The following DCDC1 variants were observed in gnomAD, a reference collection of about 807,000 sequenced individuals.
DCDC1 encodes doublecortin domain-containing protein 1.
Under a neutral mutation model 178.3 loss-of-function variants are expected in DCDC1, and 200 were observed. That is an observed-to-expected ratio of 1.12 (90% CI 1.00 to 1.26). The LOEUF (loss-of-function observed/expected upper bound fraction) is 1.26, where lower values mean the gene tolerates loss of function less well. Ranked by LOEUF, DCDC1 falls within the 50% of genes most tolerant of loss-of-function variation. The pLI, the probability that DCDC1 is intolerant of heterozygous loss-of-function variation, is 0.00. For missense variants in DCDC1, 1,983 were observed against 1,749.2 expected, an observed-to-expected ratio of 1.13 and a Z score of -2.38; for synonymous variants, 690 against 604.8, an observed-to-expected ratio of 1.14 and a Z score of -2.07.
chr11:31,040,913 A>C (rs1175931786), intron 20 of DCDC1, among the ~76,000 whole-genome samples: 5 of 152,232 alleles, frequency 3.3e-5, no homozygotes, highest in Non-Finnish European at 1.5e-5. Context: ...TGAAGCACCA[A>C]GGCATCATAT....
At chr11:30,948,205 C>A (rs1948176438) in intron 21 of DCDC1, among the ~76,000 whole-genome samples, 1 of 151,926 alleles carries the variant, frequency 6.6e-6, no homozygotes, top group Non-Finnish European at 1.5e-5. Context: ...TCCTATACAC[C>A]AATAATAGAC....
chr11:31,290,155 C>A (rs891769997), intron 7 of DCDC1, among the ~76,000 whole-genome samples: 24 of 151,620 alleles, frequency 1.6e-4, no homozygotes, highest in African/African-American at 5.3e-4. Context: ...TTTCTTAGGC[C>A]CCTTAGATAT....
Position 31,284,030 on chromosome 11 carries a change from T to C in DCDC1, c.960+6617A>G, listed in dbSNP as rs147245057. Among the ~76,000 whole-genome samples the C allele has an allele frequency of 2.9e-4, 44 of 151,680 alleles. 1 individual carries two copies. Among genetic ancestry groups the C allele is most frequent in the African/African-American group, 9.4e-4 (39 of 41,426 alleles). On this transcript the variant is annotated intron_variant, in intron 7 of 38. Coordinates refer to ENST00000684477, the MANE Select transcript of DCDC1 (RefSeq NM_001387274.1). The stretch of plus-strand genomic sequence containing the variant: ...TAAATTGCCTCCAGGTACAAAGACA[T>C]AGTGAACTTTAGGACTCACTTCAAC...
At chr11:31,292,929 G>A (rs1244014222) in intron 6 of DCDC1, among the ~76,000 whole-genome samples, 3 of 152,068 alleles carry the variant, frequency 2.0e-5, no homozygotes, top group African/African-American at 7.2e-5. Context: ...CAATCTGGAT[G>A]CCCCTAGATG....
intron 21 of DCDC1, among the ~76,000 whole-genome samples, chr11:30,948,678 C>T (rs1187370278): frequency 3.3e-5 from 5 of 152,024 alleles, no homozygotes; most frequent in Admixed American, 6.6e-5. Context: ...TGGAACAGAA[C>T]GGAGGCCTCA....
chr11:31,221,875 C>A (rs913747576), intron 9 of DCDC1, among the ~76,000 whole-genome samples: 5 of 152,126 alleles, frequency 3.3e-5, no homozygotes, highest in African/African-American at 1.2e-4. Flanking sequence ...TCTCCTTTCA[C>A]ATTTTATTAT....
At chr11:31,351,309 A>G (rs1055962313) in intron 1 of DCDC1, among the ~76,000 whole-genome samples, 1 of 152,122 alleles carries the variant, frequency 6.6e-6, no homozygotes, top group African/African-American at 2.4e-5. Flanking sequence ...TATTTCTTTG[A>G]AAAGGTGTTC....
Position 31,306,361 on chromosome 11 carries a change from A to C in DCDC1, c.462T>G (p.Phe154Leu). 1 of 1,609,390 alleles carries C rather than the reference A, an allele frequency of 6.2e-7. No homozygotes were observed. The highest frequency in any genetic ancestry group is 8.5e-7 in the Non-Finnish European group (1 of 1,178,036). ...LRVAEFSSLK[F>L]QSARNWQKLS... ...ATTTCTGCCAATTCCGGGCTGACTG[A>C]AATTTTAAAGAAGAGAACTCTGCAA... is the stretch of plus-strand genomic sequence containing the variant. The change falls in exon 5 of 39, where the codon TTT becomes TTG. Residue 154 changes from phenylalanine (F) to leucine (L), a missense_variant. Coordinates refer to ENST00000684477, the MANE Select transcript of DCDC1 (RefSeq NM_001387274.1).
intron 16 of DCDC1, 70 bp downstream of exon 16, chr11:31,093,980 G>C (rs1957975536): frequency 2.7e-6 from 2 of 732,752 alleles, no homozygotes; most frequent in South Asian, 1.4e-5. Context: ...GAGAGCACCA[G>C]GTGCCAGCAA....
intron 7 of DCDC1, among the ~76,000 whole-genome samples, chr11:31,275,418 T>C (rs1475736982): frequency 6.6e-6 from 1 of 152,190 alleles, no homozygotes; most frequent in Non-Finnish European, 1.5e-5. Context: ...ATCCTTACTA[T>C]ACTGATTTTG....
intron 36 of DCDC1, among the ~76,000 whole-genome samples, chr11:30,889,652 C>T (rs752581783): frequency 4.6e-5 from 7 of 152,096 alleles, no homozygotes; most frequent in East Asian, 1.9e-4. Flanking sequence ...GACAAAGAAT[C>T]GCATGCAAGC....
chr11:30,980,480 CAA>C (rs1485771832), intron 20 of DCDC1, among the ~76,000 whole-genome samples: 2 of 152,074 alleles, frequency 1.3e-5, no homozygotes, highest in Non-Finnish European at 2.9e-5. Context: ...GAAAGGTAGA[CAA>C]GAGATAGCTC....
chr11:30,941,037 A>C (rs192570327), intron 21 of DCDC1, among the ~76,000 whole-genome samples: 4 of 152,256 alleles, frequency 2.6e-5, no homozygotes, highest in African/African-American at 9.6e-5. Context: ...GGTCTTATAA[A>C]ATTATTTTAG....
At chr11:31,295,093 C>T (rs1013757807) in intron 6 of DCDC1, among the ~76,000 whole-genome samples, 10 of 152,048 alleles carry the variant, frequency 6.6e-5, no homozygotes, top group Admixed American at 1.3e-4. Flanking sequence ...TGCTCAAGTC[C>T]GTTATATAAA....
intron 22 of DCDC1, among the ~76,000 whole-genome samples, chr11:30,929,583 A>G (rs537929887): frequency 6.6e-6 from 1 of 152,238 alleles, no homozygotes; most frequent in South Asian, 2.1e-4. Flanking sequence ...GATAGGTCAT[A>G]AAAGGACTTA....
chr11:31,057,923 T>G (rs1201980874), intron 20 of DCDC1, among the ~76,000 whole-genome samples: 1 of 152,122 alleles, frequency 6.6e-6, no homozygotes, highest in Non-Finnish European at 1.5e-5. Context: ...TTTACCGTAA[T>G]GACTTGTTTA....
chr11:31,139,374 A>T (rs551232287), intron 9 of DCDC1, among the ~76,000 whole-genome samples: 1 of 152,312 alleles, frequency 6.6e-6, no homozygotes, highest in South Asian at 2.1e-4. Flanking sequence ...CTTAATACTA[A>T]GAAAACTTAA....
At chr11:31,015,991 A>G (rs545117509) in intron 20 of DCDC1, among the ~76,000 whole-genome samples, 3 of 152,342 alleles carry the variant, frequency 2.0e-5, no homozygotes, top group Middle Eastern at 3.4e-3. Context: ...AATATCTTAT[A>G]TTGTGGAAAA....
intron 9 of DCDC1, among the ~76,000 whole-genome samples, chr11:31,223,564 G>A (rs1314722384): frequency 3.3e-5 from 5 of 152,084 alleles, no homozygotes; most frequent in Admixed American, 3.3e-4. Flanking sequence ...ATTTGTAGGA[G>A]CATTGTTTGT....
Sources: gnomAD v4.1 joint callset for allele counts (sites outside exome capture counted in the v4.1 genomes callset) on GRCh38, gnomAD v4.1.1 for gene constraint, MANE v1.5 for transcripts, NCBI Gene and HGNC (gene_info 2026-07-23, HGNC 2026-07-21) for gene names.